The following PDZD2 variants were observed in gnomAD, a reference collection of about 807,000 sequenced individuals.
The protein encoded by PDZD2 is PDZ domain containing 2.
In PDZD2, 90 loss-of-function variants were observed where a neutral mutation model predicts 220.7. That is an observed-to-expected ratio of 0.41 (90% CI 0.34 to 0.49). The LOEUF (loss-of-function observed/expected upper bound fraction) is 0.49, where lower values mean the gene tolerates loss of function less well. Among genes scored for constraint, PDZD2 ranks in the 20% least tolerant of loss-of-function variants. The probability of loss-of-function intolerance (pLI) is 0.28; values close to 1 mark genes in which losing one functional copy is unlikely to be tolerated. For missense variants in PDZD2, 3,174 were observed against 3,608.5 expected, an observed-to-expected ratio of 0.88 and a Z score of 3.08; for synonymous variants, 1,375 against 1,450.5, an observed-to-expected ratio of 0.95 and a Z score of 1.18.
chr5:31,817,309 C>T (rs1402122548), intron 2 of PDZD2, among the ~76,000 whole-genome samples: 3 of 151,672 alleles, frequency 2.0e-5, no homozygotes, highest in Non-Finnish European at 4.4e-5. Flanking sequence ...GCCTGGCCAA[C>T]GTGGTGAAAC....
chr5:31,918,816 C>A (rs908151478), intron 2 of PDZD2, among the ~76,000 whole-genome samples: 2 of 152,144 alleles, frequency 1.3e-5, no homozygotes, highest in Non-Finnish European at 2.9e-5. Context: ...CTTTTCTGTG[C>A]TACTCCAAGA....
Position 31,978,547 on chromosome 5 carries a change from G to A in PDZD2, c.477-4608G>A, listed in dbSNP as rs188762006. On this transcript the variant is annotated intron_variant, in intron 2 of 24. Coordinates refer to ENST00000438447, the MANE Select transcript of PDZD2 (RefSeq NM_178140.4). ...ATCCTGGCTAACATGGTGAAACCCC[G>A]TCTCTACTAAAAGTACAATTAGCCA... Among the ~76,000 whole-genome samples, 86 of 151,996 alleles carry A rather than the reference G, an allele frequency of 5.7e-4. 1 individual carries two copies. The East Asian group carries it at 0.011, about 20-fold the overall frequency.
intron 2 of PDZD2, among the ~76,000 whole-genome samples, chr5:31,910,642 C>T (rs955801152): frequency 8.3e-5 from 10 of 121,160 alleles, no homozygotes; most frequent in African/African-American, 1.8e-4. Context: ...TCACCCACCT[C>T]GGCCTCCCAA....
At chr5:31,906,713 C>T (rs1742691065) in intron 2 of PDZD2, among the ~76,000 whole-genome samples, 3 of 151,906 alleles carry the variant, frequency 2.0e-5, no homozygotes. Flanking sequence ...CATGGTGGCA[C>T]GTGCCTGTAG....
At chr5:31,732,124 G>A (rs1749568173) in intron 1 of PDZD2, among the ~76,000 whole-genome samples, 1 of 152,190 alleles carries the variant, frequency 6.6e-6, no homozygotes, top group Non-Finnish European at 1.5e-5. Context: ...GAGGAGGGGC[G>A]CCTTACCTCC....
At chr5:32,012,668 G>A (rs147454559) in intron 6 of PDZD2, among the ~76,000 whole-genome samples, 12 of 151,988 alleles carry the variant, frequency 7.9e-5, no homozygotes, top group East Asian at 3.9e-4. Context: ...GATTACAAGC[G>A]TGAGCCACCG....
At chr5:31,670,728 G>C (rs186490703) in intron 1 of PDZD2, among the ~76,000 whole-genome samples, 1 of 152,044 alleles carries the variant, frequency 6.6e-6, no homozygotes, top group South Asian at 2.1e-4. Flanking sequence ...GCCAGTTTGC[G>C]TTTCTTTTAA....
At chr5:31,745,647 CT>C (rs1750555500) in intron 1 of PDZD2, among the ~76,000 whole-genome samples, 1 of 152,078 alleles carries the variant, frequency 6.6e-6, no homozygotes, top group Non-Finnish European at 1.5e-5. Context: ...GCCTTTTAGC[CT>C]TCCTGTTTTA....
At chr5:31,780,573 A>G (rs1753006640) in intron 1 of PDZD2, among the ~76,000 whole-genome samples, 1 of 152,222 alleles carries the variant, frequency 6.6e-6, no homozygotes, top group Admixed American at 6.5e-5. Context: ...AGAAATAAAG[A>G]CAGGTAGATC....
chr5:31,761,504 C>A (rs6450856), intron 1 of PDZD2, among the ~76,000 whole-genome samples: 17,929 of 151,608 alleles, frequency 0.12, 1,727 homozygotes, highest in African/African-American at 0.26. Context: ...AAAAATGAGA[C>A]TGTATTATAG....
chr5:31,755,516 C>G (rs774999843), intron 1 of PDZD2, among the ~76,000 whole-genome samples: 12 of 152,108 alleles, frequency 7.9e-5, no homozygotes, highest in Non-Finnish European at 1.3e-4. Flanking sequence ...TCTCTCTCCT[C>G]GAATGAGTAC....
At chr5:31,674,975 C>T (rs533708827) in intron 1 of PDZD2, among the ~76,000 whole-genome samples, 1 of 152,298 alleles carries the variant, frequency 6.6e-6, no homozygotes, top group East Asian at 1.9e-4. Flanking sequence ...CACCAGATCC[C>T]TGTTCTGTGC....
At chr5:31,753,110 A>C (rs1435112535) in intron 1 of PDZD2, among the ~76,000 whole-genome samples, 1 of 152,260 alleles carries the variant, frequency 6.6e-6, no homozygotes, top group African/African-American at 2.4e-5. Context: ...GAAATCAAAT[A>C]ATTAAATGTC....
At chr5:31,817,593 G>A (rs1755547468) in intron 2 of PDZD2, among the ~76,000 whole-genome samples, 1 of 152,076 alleles carries the variant, frequency 6.6e-6, no homozygotes, top group South Asian at 2.1e-4. Context: ...TGAAAATCTT[G>A]AAGTATATTT....
rs74863368 is a variant in PDZD2, at chr5:32,004,091, T to TA, written c.1254+3832dup. On this transcript the variant is annotated intron_variant, in intron 5 of 24. Coordinates refer to ENST00000438447, the MANE Select transcript of PDZD2 (RefSeq NM_178140.4). ...TATCCAGAAACACAAAACGTAAGAT[T>TA]AAAAAAAAAAAAGGTGGGGGGGCCA... Among the ~76,000 whole-genome samples the TA allele has an allele frequency of 1.2e-3, 166 of 136,756 alleles. 1 individual carries two copies. The highest frequency in any genetic ancestry group is 1.8e-3 in the African/African-American group (69 of 37,584). 89.7% of individuals were successfully genotyped at this position (136,756 alleles called of 152,430 possible).
chr5:31,771,824 C>T (rs1752354239), intron 1 of PDZD2, among the ~76,000 whole-genome samples: 1 of 152,220 alleles, frequency 6.6e-6, no homozygotes, highest in Non-Finnish European at 1.5e-5. Flanking sequence ...CTGGCTCCTT[C>T]ACTCACTGCC....
At chr5:31,957,402 G>A (rs1010868774) in intron 2 of PDZD2, among the ~76,000 whole-genome samples, 1 of 152,184 alleles carries the variant, frequency 6.6e-6, no homozygotes, top group African/African-American at 2.4e-5. Context: ...AGTGCCTGGG[G>A]TGTTACGGGG....
chr5:31,705,290 C>T (rs901452514), intron 1 of PDZD2, among the ~76,000 whole-genome samples: 2 of 151,960 alleles, frequency 1.3e-5, no homozygotes, highest in African/African-American at 2.4e-5. Context: ...GATACACACA[C>T]GGGACAGAAT....
At chr5:31,709,412 A>G (rs887815731) in intron 1 of PDZD2, among the ~76,000 whole-genome samples, 25 of 151,704 alleles carry the variant, frequency 1.6e-4, no homozygotes, top group African/African-American at 6.0e-4. Context: ...GTTTGAGCCC[A>G]GGAGGTCAAG....
Sources: allele counts gnomAD v4.1 joint callset (sites outside exome capture counted in the v4.1 genomes callset), GRCh38; gene constraint gnomAD v4.1.1; transcripts MANE v1.5; gene names NCBI Gene and HGNC (gene_info 2026-07-23, HGNC 2026-07-21).